EHMT1: variants seen among roughly 807,000 people sequenced by gnomAD.
EHMT1 encodes the protein euchromatic histone lysine methyltransferase 1.
A neutral mutation model predicts 147.2 loss-of-function variants in EHMT1; 15 were observed. The ratio of observed to expected loss-of-function variants is 0.10; its 90% confidence interval spans 0.07 to 0.16. The LOEUF is 0.16. EHMT1 is among the 10% of genes least tolerant of loss of function. EHMT1 has a pLI of 1.00. For missense variants in EHMT1, 1,587 were observed against 1,772.4 expected (o/e 0.90, Z 1.88); for synonymous variants, 795 against 709.6 (o/e 1.12, Z -1.91).
chr9:137,711,106 A>G, intron 2 of EHMT1, 76 bp downstream of exon 2: 2 of 1,453,038 alleles, frequency 1.4e-6, no homozygotes, highest in East Asian at 2.5e-5. Flanking sequence ...TTCCTCTCTT[A>G]TTAGTCCCCG....
intron 8 of EHMT1, 34 bp from the exon 9 acceptor site, chr9:137,757,846 C>G (rs767235134): frequency 1.9e-6 from 3 of 1,612,412 alleles, no homozygotes; most frequent in Non-Finnish European, 2.5e-6. Flanking sequence ...CGCCTGGGTG[C>G]GTGGTGTCTG....
At chr9:137,827,673 C>G (rs1042851233) in intron 25 of EHMT1, among the ~76,000 whole-genome samples, 4 of 152,228 alleles carry the variant, frequency 2.6e-5, no homozygotes, top group East Asian at 3.9e-4. Context: ...TGACTGCCCC[C>G]CTCCACTGCT....
chr9:137,705,382 C>T (rs75918451), intron 1 of EHMT1, among the ~76,000 whole-genome samples: 2,201 of 152,314 alleles, frequency 0.014, 44 homozygotes, highest in African/African-American at 0.05. Flanking sequence ...ATAAGAAGAA[C>T]TTCCAAGGAG....
chr9:137,695,564 G>A (rs1204408415), intron 1 of EHMT1, among the ~76,000 whole-genome samples: 1 of 152,094 alleles, frequency 6.6e-6, no homozygotes, highest in Admixed American at 6.5e-5. Flanking sequence ...TGGTCAATGA[G>A]TCTCAGCTGG....
At chr9:137,669,544 G>GC (rs1383523211) in intron 1 of EHMT1, among the ~76,000 whole-genome samples, 1 of 16,558 alleles carries the variant, frequency 6.0e-5, no homozygotes, top group Non-Finnish European at 1.2e-4. Flanking sequence ...CTCCCAAGAC[G>GC]CCCCGCACAG....
In EHMT1 at chr9:137,776,580, A is replaced by C; in HGVS notation, c.1792-38A>C. 1 of 1,611,396 alleles carries C rather than the reference A, an allele frequency of 6.2e-7. No homozygotes were observed. The highest frequency in any genetic ancestry group is 2.2e-5 in the East Asian group (1 of 44,866). ...TTTATTTTTCTAAATATTAACCCCA[A>C]TTAAAACAAAAATTTTTTTTTGTCC... On this transcript the variant is annotated intron_variant, in intron 11 of 26. Transcript: ENST00000460843. The surrounding 1 kb of genome is among the most constrained non-coding windows in gnomAD (Gnocchi z 4.4).
chr9:137,719,506 C>T (rs923007315), intron 3 of EHMT1, among the ~76,000 whole-genome samples: 26 of 152,308 alleles, frequency 1.7e-4, no homozygotes, highest in African/African-American at 6.0e-4. Context: ...GGGGCTTCTC[C>T]ACTCCCAGGC....
intron 10 of EHMT1, among the ~76,000 whole-genome samples, chr9:137,774,145 C>G (rs1950771780): frequency 6.6e-6 from 1 of 152,238 alleles, no homozygotes; most frequent in Non-Finnish European, 1.5e-5. Flanking sequence ...TGTACCGCTG[C>G]CCACTGCTGG....
intron 1 of EHMT1, among the ~76,000 whole-genome samples, chr9:137,626,529 CAAAA>C (rs201748680): frequency 2.5e-5 from 2 of 80,736 alleles, no homozygotes; most frequent in Admixed American, 2.6e-4. Flanking sequence ...TGTCTCTAAC[CAAAA>C]AAAAAAAAAA....
chr9:137,725,567 A>T (rs573808556), intron 3 of EHMT1, among the ~76,000 whole-genome samples: 2 of 152,290 alleles, frequency 1.3e-5, no homozygotes, highest in South Asian at 4.1e-4. Flanking sequence ...GGCCACTAGA[A>T]TGTGAATCCA....
intron 25 of EHMT1, among the ~76,000 whole-genome samples, chr9:137,822,205 C>T (rs867248775): frequency 3.2e-4 from 49 of 152,324 alleles, no homozygotes; most frequent in African/African-American, 1.1e-3. Flanking sequence ...CGTGGCTACA[C>T]GTGTCAGTGG....
chr9:137,703,108 G>A (rs908613962), intron 1 of EHMT1, among the ~76,000 whole-genome samples: 1 of 152,198 alleles, frequency 6.6e-6, no homozygotes, highest in Admixed American at 6.5e-5. Flanking sequence ...GCCACCACTG[G>A]AGCTGGAGTG....
intron 1 of EHMT1, among the ~76,000 whole-genome samples, chr9:137,655,023 AG>A (rs1466240543): frequency 1.3e-5 from 2 of 150,202 alleles, no homozygotes; most frequent in East Asian, 3.9e-4. Context: ...TTCGAGATGG[AG>A]TCTTGCTCTT....
intron 5 of EHMT1, 54 bp downstream of exon 5, chr9:137,743,582 G>A: frequency 3.7e-6 from 6 of 1,612,464 alleles, no homozygotes; most frequent in Non-Finnish European, 5.1e-6. Flanking sequence ...GCGTTTCTGT[G>A]TTCAGGGCCT....
chr9:137,696,872 C>T (rs1225820957), intron 1 of EHMT1, among the ~76,000 whole-genome samples: 5 of 152,164 alleles, frequency 3.3e-5, no homozygotes, highest in African/African-American at 9.7e-5. Context: ...AGCATGCCTG[C>T]GTCTTCCTTC....
At chr9:137,714,454 A>G (rs1945019396) in intron 2 of EHMT1, among the ~76,000 whole-genome samples, 1 of 151,734 alleles carries the variant, frequency 6.6e-6, no homozygotes, top group African/African-American at 2.4e-5. Flanking sequence ...TATTAAGCCA[A>G]CCTTGCATTT....
chr9:137,738,054 C>T (rs1947701308), intron 4 of EHMT1, among the ~76,000 whole-genome samples: 1 of 151,992 alleles, frequency 6.6e-6, no homozygotes, highest in Admixed American at 6.6e-5. Context: ...GTTAGCTGGG[C>T]ATAGTGGTGC....
intron 22 of EHMT1, chr9:137,815,283 A>C (rs910283426): frequency 5.9e-6 from 1 of 169,166 alleles, no homozygotes. Context: ...TGGTACGCTC[A>C]GAAAGCCACC....
rs1564638770 is a variant in EHMT1, at chr9:137,721,533, C to CTCTCCCACGCCTCTCACCT, written c.642+4368_642+4386dup. 6.8e-4 allele frequency among the ~76,000 whole-genome samples: 83 copies of CTCTCCCACGCCTCTCACCT among 121,380 alleles called. 3 individuals carry two copies. Among genetic ancestry groups the CTCTCCCACGCCTCTCACCT allele is most frequent in the African/African-American group, 2.1e-3 (61 of 29,440 alleles). The allele number at this position is 121,380 out of a possible 152,430, so 79.6% of individuals were successfully genotyped here. A position where few individuals can be genotyped will look rare whatever the true frequency, so the allele number is the denominator to read the frequency against. On this transcript the variant is annotated intron_variant, in intron 3 of 26. Transcript: ENST00000460843. The stretch of plus-strand genomic sequence containing the variant: ...CTCACCCTCTCCCACGCCTCTCACC[C>CTCTCCCACGCCTCTCACCT]TCTCCCACGCCTCTCACCTTCTCCC...
Sources: gnomAD v4.1 joint callset for allele counts (sites outside exome capture counted in the v4.1 genomes callset) on GRCh38, gnomAD v4.1.1 for gene constraint, Gnocchi (gnomAD v3.1) non-coding constraint, MANE v1.5 for transcripts, NCBI Gene and HGNC (gene_info 2026-07-23, HGNC 2026-07-21) for gene names.